Variants in RBM6 observed in about 807,000 individuals in gnomAD.
RBM6 encodes RNA-binding protein 6.
Under a neutral mutation model 140.4 loss-of-function variants are expected in RBM6, and 23 were observed. The observed-to-expected ratio is 0.16, with a 90% CI of 0.12 to 0.23. RBM6 has a LOEUF of 0.23. Ranked by LOEUF, RBM6 falls within the 10% of genes least tolerant of loss-of-function variation. The pLI is 1.00. For synonymous variants in RBM6, 439 were observed against 475.6 expected (o/e 0.92, Z 1.00); for missense variants, 1,139 against 1,386.7 (o/e 0.82, Z 2.84).
In RBM6 at chr3:49,984,379, G is replaced by A. The variant is rs563491608; in HGVS notation, c.1483+8987G>A. On this transcript the variant is annotated intron_variant, in intron 5 of 20. Coordinates refer to ENST00000266022, the MANE Select transcript of RBM6 (RefSeq NM_005777.3). ...CCTGGTACTTTGGGAGGCCGAGATG[G>A]GTGGATCACTTGAGGCCAGGAGTTA... Among the ~76,000 whole-genome samples, 64 of 152,274 alleles carry A rather than the reference G, an allele frequency of 4.2e-4. No individual in the cohort carries two copies. In the South Asian group the frequency reaches 7.0e-3, roughly 17 times the overall value.
intron 20 of RBM6, 109 bp from the exon 21 acceptor site, chr3:50,076,899 T>A (rs1037810061): frequency 5.1e-5 from 53 of 1,040,782 alleles, no homozygotes; most frequent in Non-Finnish European, 5.7e-5. Flanking sequence ...AAAAAAAAAA[T>A]TATCCTATAT....
At chr3:49,946,592 G>A (rs2083495761) in intron 1 of RBM6, among the ~76,000 whole-genome samples, 1 of 152,092 alleles carries the variant, frequency 6.6e-6, no homozygotes, top group South Asian at 2.1e-4. Flanking sequence ...CCGGAGTGAA[G>A]TGGCATGATC....
chr3:50,002,148 C>T (rs934606339), intron 6 of RBM6, among the ~76,000 whole-genome samples: 1 of 151,936 alleles, frequency 6.6e-6, no homozygotes, highest in Non-Finnish European at 1.5e-5. Flanking sequence ...AGTGCAGTGG[C>T]GTAATCTTGG....
chr3:49,956,727 A>G (rs1453347683), intron 1 of RBM6, among the ~76,000 whole-genome samples: 2 of 151,838 alleles, frequency 1.3e-5, no homozygotes, highest in Non-Finnish European at 2.9e-5. Flanking sequence ...GTGCAATGGC[A>G]TAATCTCAGC....
intron 6 of RBM6, among the ~76,000 whole-genome samples, chr3:50,032,432 G>A (rs900346335): frequency 7.6e-5 from 11 of 145,404 alleles, no homozygotes; most frequent in African/African-American, 2.6e-4. Context: ...TGCAGTGAGC[G>A]AAGGTCGTGC....
rs2086232651 is a variant in RBM6, at chr3:49,999,585, A to T, written c.1557+72A>T. The T allele has an allele frequency of 1.6e-5, 20 of 1,252,630 alleles. No individual in the cohort carries two copies. In the South Asian group the frequency reaches 2.4e-4, roughly 15 times the overall value. The allele number at this position is 1,252,630 out of a possible 1,614,324, so 77.6% of individuals were successfully genotyped here. A position where few individuals can be genotyped will look rare whatever the true frequency, so the allele number is the denominator to read the frequency against. ...TATATATGGGGAGGGAGGGTTTCAA[A>T]TGATTTTACTTTGGAAAGGTACAAG... On this transcript the variant is annotated intron_variant, in intron 6 of 20. Transcript: ENST00000266022.
At chr3:49,970,726 G>A (rs540285917) in intron 3 of RBM6, among the ~76,000 whole-genome samples, 1 of 152,236 alleles carries the variant, frequency 6.6e-6, no homozygotes, top group East Asian at 1.9e-4. Flanking sequence ...TGGGTACAGT[G>A]GCCTATGCTT....
intron 6 of RBM6, among the ~76,000 whole-genome samples, chr3:50,016,156 T>C (rs558872367): frequency 6.6e-6 from 1 of 152,204 alleles, no homozygotes; most frequent in African/African-American, 2.4e-5. Flanking sequence ...TGTCTGAATA[T>C]TTGATTTTTT....
chr3:50,054,058 C>G, intron 7 of RBM6: 1 of 343,958 alleles, frequency 2.9e-6, no homozygotes, highest in Non-Finnish European at 5.3e-6. Context: ...CAGTAGTTTT[C>G]TAGGCATATT....
intron 6 of RBM6, among the ~76,000 whole-genome samples, chr3:50,041,569 A>G (rs1475357386): frequency 1.3e-5 from 2 of 152,228 alleles, no homozygotes; most frequent in African/African-American, 2.4e-5. Context: ...TTATACTAAG[A>G]GAAATGACAC....
chr3:49,971,944 A>G, intron 3 of RBM6, 115 bp from the exon 4 acceptor site: 1 of 725,832 alleles, frequency 1.4e-6, no homozygotes, highest in East Asian at 2.6e-5. Flanking sequence ...AATTTTTTAT[A>G]TCTTCACGTG....
rs1464306258 is a variant in RBM6, at chr3:50,057,653, C to T, written c.1694-75C>T. The T allele has an allele frequency of 1.2e-5, 15 of 1,262,950 alleles. No homozygotes were observed. The East Asian group carries it at 3.6e-4, about 30-fold the overall frequency. 78.2% of individuals were successfully genotyped at this position (1,262,950 alleles called of 1,614,324 possible). A position where few individuals can be genotyped will look rare whatever the true frequency, so the allele number is the denominator to read the frequency against. Reference sequence around the variant, plus strand: ...TTTGCTGGCAGGTAAGGAGAAATTACAGTAGCAGTGTTTTTTCTTTTTTTT... The same window carrying T: ...TTTGCTGGCAGGTAAGGAGAAATTATAGTAGCAGTGTTTTTTCTTTTTTTT... On this transcript the variant is annotated intron_variant, in intron 8 of 20. Coordinates refer to ENST00000266022, the MANE Select transcript of RBM6 (RefSeq NM_005777.3).
chr3:50,018,197 AC>A (rs1253444072), intron 6 of RBM6, among the ~76,000 whole-genome samples: 1 of 151,470 alleles, frequency 6.6e-6, no homozygotes, highest in Non-Finnish European at 1.5e-5. Flanking sequence ...CCTCTTGCAA[AC>A]CCCTGCAACC....
chr3:50,062,633 A>G (rs11920034), intron 15 of RBM6, among the ~76,000 whole-genome samples: 12,011 of 152,218 alleles, frequency 0.079, 525 homozygotes, highest in African/African-American at 0.1. Flanking sequence ...GGCCCAGCTC[A>G]AATCCCAACA....
At chr3:50,063,362 G>A (rs1346907633) in intron 15 of RBM6, among the ~76,000 whole-genome samples, 2 of 151,294 alleles carry the variant, frequency 1.3e-5, no homozygotes, top group African/African-American at 4.9e-5. Flanking sequence ...ATCCCAGCAC[G>A]TTGGGAGGCC....
chr3:49,969,274 C>T (rs1327458394), intron 3 of RBM6, among the ~76,000 whole-genome samples: 11 of 148,690 alleles, frequency 7.4e-5, no homozygotes, highest in South Asian at 4.2e-4. Context: ...CCGCCCACCT[C>T]GGCCTCCCAA....
chr3:50,037,900 C>T (rs1325732081), intron 6 of RBM6, among the ~76,000 whole-genome samples: 1 of 150,414 alleles, frequency 6.6e-6, no homozygotes, highest in African/African-American at 2.5e-5. Context: ...TGGTTCACTG[C>T]ACCCTCCACC....
At chr3:50,049,642 AG>A in intron 7 of RBM6, among the ~76,000 whole-genome samples, 1 of 152,140 alleles carries the variant, frequency 6.6e-6, no homozygotes, top group Non-Finnish European at 1.5e-5. Flanking sequence ...CAACTTGAAG[AG>A]CTATGATTGT....
At chr3:50,057,263 CT>C (rs377384820) in intron 8 of RBM6, among the ~76,000 whole-genome samples, 1 of 152,228 alleles carries the variant, frequency 6.6e-6, no homozygotes, top group African/African-American at 2.4e-5. Context: ...TGTCAGAGGA[CT>C]TTTTATTAGA....
Sources: allele counts gnomAD v4.1 joint callset (sites outside exome capture counted in the v4.1 genomes callset), GRCh38; gene constraint gnomAD v4.1.1; transcripts MANE v1.5; gene names NCBI Gene and HGNC (gene_info 2026-07-23, HGNC 2026-07-21).